CAMTA1: variants seen among roughly 807,000 people sequenced by gnomAD.
The protein encoded by CAMTA1 is calmodulin-binding transcription activator 1.
A neutral mutation model predicts 170.9 loss-of-function variants in CAMTA1; 27 were observed. That is an observed-to-expected ratio of 0.16 (90% confidence interval 0.12 to 0.22). The LOEUF is 0.22. CAMTA1 is among the 10% of genes least tolerant of loss of function. The probability of loss-of-function intolerance (pLI) is 1.00; values close to 1 mark genes in which losing one functional copy is unlikely to be tolerated. For synonymous variants in CAMTA1, 833 were observed against 891.5 expected (o/e 0.93, Z 1.17); for missense variants, 1,619 against 2,217.2 (o/e 0.73, Z 5.42).
chr1:7,680,242 CT>C lies in CAMTA1; in HGVS notation c.2914+2510del. ...TGAGCCTTCCGTTCCCCGCCTGTCC[CT>C]CCCGGCCCCTCCCCTCGGTCTCCGC... On this transcript the variant is annotated intron_variant, in intron 11 of 22. Coordinates refer to ENST00000303635, the MANE Select transcript of CAMTA1 (RefSeq NM_015215.4). This position sits in a 1 kb window ranked among gnomAD's most constrained non-coding sequence, Gnocchi z 4.4. 1 of 241,276 alleles carries C rather than the reference CT, an allele frequency of 4.1e-6. No homozygotes were observed. Among genetic ancestry groups the C allele is most frequent in the South Asian group, 3.4e-5 (1 of 29,498 alleles). 14.9% of individuals were successfully genotyped at this position (241,276 alleles called of 1,614,324 possible).
intron 6 of CAMTA1, among the ~76,000 whole-genome samples, chr1:7,493,456 CAA>C (rs2093770671): frequency 6.6e-6 from 1 of 151,948 alleles, no homozygotes; most frequent in African/African-American, 2.4e-5. Flanking sequence ...AACACACGTG[CAA>C]ACACACAAAA....
At chr1:6,952,055 C>A (rs1347805368) in intron 3 of CAMTA1, among the ~76,000 whole-genome samples, 1 of 152,216 alleles carries the variant, frequency 6.6e-6, no homozygotes, top group African/African-American at 2.4e-5. Context: ...CCGTCTGCAT[C>A]CCACTGTGCC....
intron 8 of CAMTA1, among the ~76,000 whole-genome samples, chr1:7,662,711 T>C (rs1402057921): frequency 6.6e-6 from 1 of 152,100 alleles, no homozygotes; most frequent in Non-Finnish European, 1.5e-5. Flanking sequence ...CCTAGAAGGA[T>C]TTTTGTACCC....
At chr1:7,131,947 C>T (rs1645281546) in intron 4 of CAMTA1, among the ~76,000 whole-genome samples, 1 of 151,790 alleles carries the variant, frequency 6.6e-6, no homozygotes, top group African/African-American at 2.4e-5. Flanking sequence ...CCCAGCTACT[C>T]AGGAGACTGA....
chr1:7,100,241 C>T (rs186772972), intron 4 of CAMTA1, among the ~76,000 whole-genome samples: 19 of 152,334 alleles, frequency 1.2e-4, no homozygotes, highest in East Asian at 9.6e-4. Context: ...CCCGTCTCTC[C>T]GGAATGTGTT....
chr1:7,402,948 C>T (rs1329209830), intron 5 of CAMTA1, among the ~76,000 whole-genome samples: 4 of 152,300 alleles, frequency 2.6e-5, no homozygotes, highest in African/African-American at 7.2e-5. Flanking sequence ...CAAAATGGTA[C>T]CTGGTACAGA....
chr1:7,077,571 G>A (rs1211006260), intron 3 of CAMTA1, among the ~76,000 whole-genome samples: 1 of 152,076 alleles, frequency 6.6e-6, no homozygotes, highest in African/African-American at 2.4e-5. Flanking sequence ...CTTCTCTGGA[G>A]CTGTCAGCTG....
rs764994729 is a variant in CAMTA1, at chr1:7,748,895, C to A, written c.4689+1114C>A. Among the ~76,000 whole-genome samples the A allele has an allele frequency of 6.6e-6, 1 of 152,146 alleles. No individual in the cohort carries two copies. The highest frequency in any genetic ancestry group is 1.5e-5 in the Non-Finnish European group (1 of 68,032). On this transcript the variant is annotated intron_variant, in intron 19 of 22. Transcript: ENST00000303635. The surrounding 1 kb of genome is among the most constrained non-coding windows in gnomAD (Gnocchi z 4.7). Reference sequence around the variant, plus strand: ...GGAAAGGGAAGTCATATTTTTGGGGCAGCTAGTATGCACTAGATTTTTTAG... The same window carrying A: ...GGAAAGGGAAGTCATATTTTTGGGGAAGCTAGTATGCACTAGATTTTTTAG...
intron 7 of CAMTA1, among the ~76,000 whole-genome samples, chr1:7,647,853 G>A (rs1281903614): frequency 6.6e-6 from 1 of 152,234 alleles, no homozygotes; most frequent in African/African-American, 2.4e-5. Flanking sequence ...GGTGGCCGAG[G>A]CAGGAGGGTT....
At chr1:7,267,991 A>G (rs948110075) in intron 5 of CAMTA1, among the ~76,000 whole-genome samples, 2 of 152,144 alleles carry the variant, frequency 1.3e-5, no homozygotes, top group African/African-American at 4.8e-5. Flanking sequence ...TGAACTTATC[A>G]TCCCACCCAA....
chr1:6,841,388 G>A (rs1013340100), intron 3 of CAMTA1, among the ~76,000 whole-genome samples: 2 of 152,150 alleles, frequency 1.3e-5, no homozygotes, highest in Non-Finnish European at 2.9e-5. Context: ...TTCACAGAGG[G>A]TATCACAAAG....
chr1:7,662,122 GC>G (rs1178847077), intron 8 of CAMTA1, among the ~76,000 whole-genome samples: 1 of 152,228 alleles, frequency 6.6e-6, no homozygotes, highest in Non-Finnish European at 1.5e-5. Flanking sequence ...CCTCCGTGGG[GC>G]AAGAACTGGG....
intron 5 of CAMTA1, among the ~76,000 whole-genome samples, chr1:7,434,214 G>T (rs914179223): frequency 6.6e-6 from 1 of 152,152 alleles, no homozygotes; most frequent in African/African-American, 2.4e-5. Context: ...AGAACTCTCT[G>T]CTCTTTCCCA....
chr1:6,904,079 G>A (rs1677729167), intron 3 of CAMTA1, among the ~76,000 whole-genome samples: 1 of 152,164 alleles, frequency 6.6e-6, no homozygotes, highest in Non-Finnish European at 1.5e-5. Flanking sequence ...TTTTGTGTAA[G>A]TTTCTCCTGG....
chr1:6,882,121 A>G (rs1196516386), intron 3 of CAMTA1, among the ~76,000 whole-genome samples: 1 of 152,216 alleles, frequency 6.6e-6, no homozygotes, highest in Non-Finnish European at 1.5e-5. Context: ...GTATGTTTTT[A>G]AGTGGTTGAA....
Position 7,663,645 on chromosome 1 carries a change from C to G in CAMTA1, c.1098C>G (p.Leu366=). Residue 366 remains leucine (L), a synonymous_variant, in exon 9 of 23, where the codon CTC becomes CTG. Coordinates refer to ENST00000303635, the MANE Select transcript of CAMTA1 (RefSeq NM_015215.4). The part of the protein sequence containing the change: ...QSSPVSISSG[L]NSDPDMVDSP... ...CCCCTGTGTCCATCAGCAGCGGGCT[C>G]AACAGCGACCCGGACATGGTGGACA... is the stretch of plus-strand genomic sequence containing the variant. 1 of 1,614,170 alleles carries G rather than the reference C, an allele frequency of 6.2e-7. No individual in the cohort carries two copies. Among genetic ancestry groups the G allele is most frequent in the Non-Finnish European group, 8.5e-7 (1 of 1,180,046 alleles).
intron 6 of CAMTA1, among the ~76,000 whole-genome samples, chr1:7,627,504 A>G (rs74973716): frequency 0.033 from 4,993 of 152,274 alleles, 276 homozygotes; most frequent in African/African-American, 0.11. Context: ...CAAATGCTGT[A>G]TCTTGTTTAG....
At chr1:7,252,029 G>A (rs554847999) in intron 5 of CAMTA1, among the ~76,000 whole-genome samples, 5 of 152,190 alleles carry the variant, frequency 3.3e-5, no homozygotes, top group South Asian at 4.1e-4. Context: ...CACTTGAGCC[G>A]TTTCCCTGGC....
In CAMTA1 at chr1:7,732,294, G is replaced by T. The variant is rs545566174; in HGVS notation, c.2915-154G>T. Reference sequence around the variant, plus strand: ...CTGTGTGAGGTGGTGACAGATTCACGATCGTGCTGGGGAACTCTGGCTGGC... The same window carrying T: ...CTGTGTGAGGTGGTGACAGATTCACTATCGTGCTGGGGAACTCTGGCTGGC... On this transcript the variant is annotated intron_variant, in intron 11 of 22. Transcript: ENST00000303635. The surrounding 1 kb of genome is among the most constrained non-coding windows in gnomAD (Gnocchi z 4.1). Among the ~76,000 whole-genome samples, 1 of 152,286 alleles carries T rather than the reference G, an allele frequency of 6.6e-6. No individual in the cohort carries two copies. The highest frequency in any genetic ancestry group is 2.4e-5 in the African/African-American group (1 of 41,556).
Sources: gnomAD v4.1 joint callset for allele counts (sites outside exome capture counted in the v4.1 genomes callset) on GRCh38, gnomAD v4.1.1 for gene constraint, Gnocchi (gnomAD v3.1) non-coding constraint, MANE v1.5 for transcripts, NCBI Gene and HGNC (gene_info 2026-07-23, HGNC 2026-07-21) for gene names.